Variants in GALNT14 observed in about 807,000 individuals in gnomAD.
GALNT14 encodes the protein polypeptide N-acetylgalactosaminyltransferase 14.
Under a neutral mutation model 77.5 loss-of-function variants are expected in GALNT14, and 60 were observed. The observed-to-expected ratio is 0.77, with a 90% CI of 0.63 to 0.96. The LOEUF is 0.96. Among genes scored for constraint, GALNT14 ranks in the 40% least tolerant of loss-of-function variants. The pLI, the probability that GALNT14 is intolerant of heterozygous loss-of-function variation, is 0.00. For missense variants in GALNT14, 710 were observed against 731.0 expected, an observed-to-expected ratio of 0.97 and a Z score of 0.33; for synonymous variants, 280 against 281.7, an observed-to-expected ratio of 0.99 and a Z score of 0.06.
intron 9 of GALNT14, among the ~76,000 whole-genome samples, chr2:30,941,141 G>A (rs538093612): frequency 6.6e-6 from 1 of 152,346 alleles, no homozygotes; most frequent in South Asian, 2.1e-4. Context: ...CTCTTGGCCT[G>A]AGCCCCTGCT....
chr2:31,080,052 GAT>G (rs1676059197), intron 1 of GALNT14, among the ~76,000 whole-genome samples: 1 of 152,236 alleles, frequency 6.6e-6, no homozygotes, highest in Non-Finnish European at 1.5e-5. Context: ...GGGATGCAGT[GAT>G]ACACATCAAT....
At chr2:30,919,102 T>A (rs1664879286) in intron 13 of GALNT14, among the ~76,000 whole-genome samples, 1 of 152,174 alleles carries the variant, frequency 6.6e-6, no homozygotes, top group Non-Finnish European at 1.5e-5. Context: ...TTTTTCCCCT[T>A]TCTTTAAATT....
In GALNT14 at chr2:30,921,700, G is replaced by C. The variant is rs73921193; in HGVS notation, c.1380+2419C>G. Among the ~76,000 whole-genome samples, 243 of 152,330 alleles carry C rather than the reference G, an allele frequency of 1.6e-3. 1 individual carries two copies. The highest frequency in any genetic ancestry group is 5.7e-3 in the African/African-American group (235 of 41,568). On this transcript the variant is annotated intron_variant, in intron 13 of 14. Transcript: ENST00000349752. ...AGGGTAGGGGCAGGGCTGCAGCCAG[G>C]GCAGGAGAAGCAAGTGGAGGCTTTT...
chr2:30,945,621 G>A (rs1427575410), intron 7 of GALNT14, among the ~76,000 whole-genome samples, 162 bp downstream of exon 7: 1 of 152,224 alleles, frequency 6.6e-6, no homozygotes, highest in East Asian at 1.9e-4. Flanking sequence ...TCCATCCACA[G>A]TCCTGGTGGT....
rs549925922 is a variant in GALNT14 at position 31,023,424 on chromosome 2, C to T, written c.130-30417G>A. Among the ~76,000 whole-genome samples, 365 of 152,250 alleles carry T rather than the reference C, an allele frequency of 2.4e-3. 1 individual carries two copies. The highest frequency in any genetic ancestry group is 8.4e-3 in the African/African-American group (347 of 41,556). On this transcript the variant is annotated intron_variant, in intron 1 of 14. Coordinates refer to ENST00000349752, the MANE Select transcript of GALNT14 (RefSeq NM_024572.4). ...CAAAGCTCCCCTCTCTGCTGGACCA[C>T]TCCCATTAGCATACATGCGGTGAAT... is the stretch of plus-strand genomic sequence containing the variant.
intron 1 of GALNT14, among the ~76,000 whole-genome samples, chr2:31,012,052 G>C (rs1017102986): frequency 1.3e-5 from 2 of 152,208 alleles, no homozygotes; most frequent in African/African-American, 2.4e-5. Context: ...CTACTCCTTG[G>C]TGACAGTTTC....
intron 11 of GALNT14, among the ~76,000 whole-genome samples, chr2:30,927,724 G>T (rs150208778): frequency 6.6e-6 from 1 of 152,164 alleles, no homozygotes; most frequent in Admixed American, 6.5e-5. Flanking sequence ...CAGCGAAAGA[G>T]GGGGGTGGAC....
At chr2:30,912,395 C>A (rs1475465813) in intron 13 of GALNT14, 53 bp from the exon 14 acceptor site, 2 of 1,602,382 alleles carry the variant, frequency 1.2e-6, no homozygotes, top group Non-Finnish European at 1.7e-6. Flanking sequence ...AGCCACCACT[C>A]GTGGGATACA....
chr2:31,132,793 C>G (rs550229772), intron 1 of GALNT14: 1 of 464,946 alleles, frequency 2.2e-6, no homozygotes, highest in African/African-American at 2.0e-5. Flanking sequence ...GTAGGACTAA[C>G]GAATTAGCCA....
At chr2:31,109,369 C>T (rs1003363075) in intron 1 of GALNT14, among the ~76,000 whole-genome samples, 1 of 152,194 alleles carries the variant, frequency 6.6e-6, no homozygotes, top group African/African-American at 2.4e-5. Context: ...AAGGAAGCCA[C>T]CCATTGAGTT....
At chr2:30,912,426 T>C (rs1664424878) in intron 13 of GALNT14, 84 bp from the exon 14 acceptor site, 1 of 1,489,518 alleles carries the variant, frequency 6.7e-7, no homozygotes. Context: ...CGGGTGTGAT[T>C]AGCACAGGCT....
the GALNT14 span, among the ~76,000 whole-genome samples, chr2:30,887,737 T>C: frequency 6.6e-6 from 1 of 152,254 alleles, no homozygotes; most frequent in Non-Finnish European, 1.5e-5. Context: ...CTCTTTTTTC[T>C]CTTGTTGCTC....
intron 1 of GALNT14, among the ~76,000 whole-genome samples, chr2:31,037,556 AC>A (rs1672816904): frequency 6.6e-6 from 1 of 152,190 alleles, no homozygotes; most frequent in South Asian, 2.1e-4. Flanking sequence ...GCTTTCCCAT[AC>A]TTTTGCATAT....
At chr2:31,118,175 C>A (rs1231349983) in intron 1 of GALNT14, among the ~76,000 whole-genome samples, 2 of 152,158 alleles carry the variant, frequency 1.3e-5, no homozygotes, top group East Asian at 3.8e-4. Context: ...GTCAATAGAA[C>A]TAGATAATTT....
At position 31,038,085 on chromosome 2, in the gene GALNT14, T is replaced by TATATATATATATATATATATATATA. The variant is rs1491282655; in HGVS notation, c.130-45079_130-45078insTATATATATATATATATATATATAT. 1.4e-3 allele frequency among the ~76,000 whole-genome samples: 56 copies of TATATATATATATATATATATATATA among 38,864 alleles called. 2 individuals are homozygous for TATATATATATATATATATATATATA. Among genetic ancestry groups the TATATATATATATATATATATATATA allele is most frequent in the African/African-American group, 1.8e-3 (13 of 7,072 alleles). 25.5% of individuals were successfully genotyped at this position (38,864 alleles called of 152,430 possible). A position where few individuals can be genotyped will look rare whatever the true frequency, so the allele number is the denominator to read the frequency against. ...TTTGCCATATATATATATATATATA[T>TATATATATATATATATATATATATA]TTTTTTTTTTTTTTTTTTTTTTTTT... is the stretch of plus-strand genomic sequence containing the variant. On this transcript the variant is annotated intron_variant, in intron 1 of 14. Coordinates refer to ENST00000349752, the MANE Select transcript of GALNT14 (RefSeq NM_024572.4).
At chr2:30,888,762 C>A in the GALNT14 span, among the ~76,000 whole-genome samples, 2 of 152,112 alleles carry the variant, frequency 1.3e-5, no homozygotes, top group Non-Finnish European at 1.5e-5. Context: ...GGGCCCCAAA[C>A]TAATCTTGCT....
chr2:31,034,899 A>G (rs1436055427), intron 1 of GALNT14, among the ~76,000 whole-genome samples: 2 of 152,174 alleles, frequency 1.3e-5, no homozygotes, highest in African/African-American at 4.8e-5. Context: ...ATATTTGTGA[A>G]TTTCCCAAAT....
chr2:31,038,158 G>T (rs1383474404), intron 1 of GALNT14, among the ~76,000 whole-genome samples: 1 of 134,000 alleles, frequency 7.5e-6, no homozygotes. Flanking sequence ...GCAGTGGCAC[G>T]ATCTCAGCTT....
At chr2:30,987,999 C>G (rs1050780482) in intron 2 of GALNT14, among the ~76,000 whole-genome samples, 4 of 152,178 alleles carry the variant, frequency 2.6e-5, no homozygotes, top group Non-Finnish European at 4.4e-5. Context: ...AAGGGAAAAG[C>G]ATTTTTCCTT....
Sources: allele counts gnomAD v4.1 joint callset (sites outside exome capture counted in the v4.1 genomes callset), GRCh38; gene constraint gnomAD v4.1.1; transcripts MANE v1.5; gene names NCBI Gene and HGNC (gene_info 2026-07-23, HGNC 2026-07-21).